The following KCNJ16 variants were observed in gnomAD, a reference collection of about 807,000 sequenced individuals.
KCNJ16 encodes potassium inwardly rectifying channel subfamily J member 16, also known as inward rectifier potassium channel 16.
A neutral mutation model predicts 18.5 loss-of-function variants in KCNJ16; 15 were observed. The observed-to-expected ratio is 0.81, with a 90% CI of 0.54 to 1.25. KCNJ16 has a LOEUF of 1.25. KCNJ16 is among the 50% of genes most tolerant of loss of function. The pLI, the probability that KCNJ16 is intolerant of heterozygous loss-of-function variation, is 0.00. For synonymous variants in KCNJ16, 174 were observed against 186.5 expected (o/e 0.93, Z 0.55); for missense variants, 523 against 525.7 (o/e 0.99, Z 0.05).
chr17:70,112,151 A>G (rs1164144254), intron 2 of KCNJ16, among the ~76,000 whole-genome samples: 3 of 152,170 alleles, frequency 2.0e-5, no homozygotes, highest in Non-Finnish European at 2.9e-5. Flanking sequence ...AGAACCAAGT[A>G]TGAGTCCTGG....
intron 2 of KCNJ16, among the ~76,000 whole-genome samples, chr17:70,109,179 G>C (rs146344764): frequency 1.4e-3 from 214 of 152,260 alleles, no homozygotes; most frequent in Middle Eastern, 3.4e-3. Flanking sequence ...AATAAAATGA[G>C]ATAAATTTCT....
intron 2 of KCNJ16, among the ~76,000 whole-genome samples, chr17:70,120,296 C>T (rs2073580150): frequency 6.6e-6 from 1 of 152,182 alleles, no homozygotes; most frequent in Admixed American, 6.6e-5. Flanking sequence ...TCCAAACTTT[C>T]CCTCATCTTT....
chr17:70,116,651 A>G (rs1466525935), intron 2 of KCNJ16, among the ~76,000 whole-genome samples: 1 of 152,170 alleles, frequency 6.6e-6, no homozygotes, highest in Non-Finnish European at 1.5e-5. Context: ...CTTTTACACA[A>G]ACAGACACTT....
intron 1 of KCNJ16, among the ~76,000 whole-genome samples, chr17:70,082,522 G>A (rs1265980042): frequency 1.3e-5 from 2 of 152,174 alleles, no homozygotes; most frequent in Non-Finnish European, 2.9e-5. Context: ...AGAGATAGGA[G>A]AAGCTAATTA....
intron 1 of KCNJ16, among the ~76,000 whole-genome samples, chr17:70,088,104 A>G (rs925695733): frequency 1.3e-5 from 2 of 151,948 alleles, no homozygotes; most frequent in Non-Finnish European, 2.9e-5. Context: ...CACCACCACA[A>G]AACTGTTTTC....
At chr17:70,112,330 T>C (rs1598149902) in intron 2 of KCNJ16, among the ~76,000 whole-genome samples, 1 of 152,150 alleles carries the variant, frequency 6.6e-6, no homozygotes, top group African/African-American at 2.4e-5. Flanking sequence ...TCACAAGTTG[T>C]TGACAATCTG....
rs1408014396 is a variant in KCNJ16 at position 70,133,853 on chromosome 17, A to C, written c.*509A>C. ...AACTGTGAAATCAGCTCACCAGTTC[A>C]AGTCACTAGGTTTGCCACTTGGACC... On this transcript the variant is annotated 3_prime_UTR_variant, in exon 4 of 4. Transcript: ENST00000392671. 5.9e-6 allele frequency: 1 copy of C among 168,210 alleles called. No individual in the cohort carries two copies. Among genetic ancestry groups the C allele is most frequent in the Non-Finnish European group, 1.5e-5 (1 of 68,906 alleles). The allele number at this position is 168,210 out of a possible 1,614,324, so 10.4% of individuals were successfully genotyped here.
chr17:70,092,559 T>TATA (rs1259295594), intron 1 of KCNJ16, among the ~76,000 whole-genome samples: 3 of 122,012 alleles, frequency 2.5e-5, no homozygotes, highest in Non-Finnish European at 3.5e-5. Context: ...TATAGATAGA[T>TATA]GATAGATATA....
chr17:70,098,929 C>T (rs1462260207), intron 1 of KCNJ16, among the ~76,000 whole-genome samples: 1 of 152,136 alleles, frequency 6.6e-6, no homozygotes, highest in Non-Finnish European at 1.5e-5. Flanking sequence ...GTGCCTGAGC[C>T]AGCTCCCACT....
intron 2 of KCNJ16, among the ~76,000 whole-genome samples, chr17:70,103,331 T>TATCACAC (rs1567789538): frequency 4.1e-5 from 1 of 24,602 alleles, no homozygotes; most frequent in East Asian, 2.5e-3. Flanking sequence ...TACACACACA[T>TATCACAC]ATATATATAT....
chr17:70,108,919 T>C (rs1415834211), intron 2 of KCNJ16, among the ~76,000 whole-genome samples: 1 of 152,068 alleles, frequency 6.6e-6, no homozygotes, highest in Non-Finnish European at 1.5e-5. Context: ...CTGAGGGCAT[T>C]TGATTCCACA....
intron 2 of KCNJ16, among the ~76,000 whole-genome samples, chr17:70,115,503 T>C (rs1463098727): frequency 1.3e-5 from 2 of 152,136 alleles, no homozygotes; most frequent in Admixed American, 6.6e-5. Context: ...ATTTTTAACA[T>C]TTTCTTTCCA....
At chr17:70,128,233 T>C (rs2073926585) in intron 2 of KCNJ16, 1 of 152,226 alleles carries the variant, frequency 6.6e-6, no homozygotes, top group Non-Finnish European at 1.5e-5. Context: ...ATAGCTTATT[T>C]GAAATGTACT....
intron 1 of KCNJ16, among the ~76,000 whole-genome samples, chr17:70,084,795 G>A (rs917528259): frequency 6.6e-6 from 1 of 152,034 alleles, no homozygotes; most frequent in East Asian, 1.9e-4. Context: ...TGACAGATAC[G>A]TTAAGAAACA....
chr17:70,083,748 A>G (rs1317319911), intron 1 of KCNJ16, among the ~76,000 whole-genome samples: 1 of 152,176 alleles, frequency 6.6e-6, no homozygotes, highest in Non-Finnish European at 1.5e-5. Context: ...ATATATCATA[A>G]AAATTTGACT....
chr17:70,093,157 C>T (rs952484295), intron 1 of KCNJ16, among the ~76,000 whole-genome samples: 6 of 152,192 alleles, frequency 3.9e-5, no homozygotes, highest in Admixed American at 1.3e-4. Context: ...ACCTTTTGGA[C>T]GCAAGTGTGG....
At chr17:70,099,698 G>C (rs1340153025) in intron 1 of KCNJ16, among the ~76,000 whole-genome samples, 2 of 151,954 alleles carry the variant, frequency 1.3e-5, no homozygotes, top group African/African-American at 4.8e-5. Flanking sequence ...ATCCTCAGAG[G>C]GTCTTTGCCT....
chr17:70,098,516 T>A lies in KCNJ16; in HGVS notation c.-299-2142T>A, dbSNP rs553452185. Among the ~76,000 whole-genome samples, 3 of 151,976 alleles carry A rather than the reference T, an allele frequency of 2.0e-5. No homozygotes were observed. In the East Asian group the frequency reaches 5.8e-4, roughly 29 times the overall value. On this transcript the variant is annotated intron_variant, in intron 1 of 3. Coordinates refer to ENST00000392671, the MANE Select transcript of KCNJ16 (RefSeq NM_170741.4). ...TCTTAACAAGACAGCAGTTGAAATC[T>A]TCTTTCTTTTCCCTTTGATTAAAAA...
Position 70,132,883 on chromosome 17 carries a change from C to T in KCNJ16, c.796C>T (p.Leu266Phe), listed in dbSNP as rs1454218411. ...TGACCATGAGAGCCCTCTGTATGCC[C>T]TTGACCGCAAAGCAGTAGCCAAAGA... Reference protein sequence around the residue: ...EIDHESPLYALDRKAVAKDNF... With the variant: ...EIDHESPLYAFDRKAVAKDNF... Residue 266 changes from leucine to phenylalanine, a missense_variant, in exon 4 of 4, where the codon CTT becomes TTT. Transcript: ENST00000392671. 6.2e-7 allele frequency: 1 copy of T among 1,614,104 alleles called. No homozygotes were observed. Among genetic ancestry groups the T allele is most frequent in the Non-Finnish European group, 8.5e-7 (1 of 1,180,018 alleles).
Sources: gnomAD v4.1 joint callset for allele counts (sites outside exome capture counted in the v4.1 genomes callset) on GRCh38, gnomAD v4.1.1 for gene constraint, MANE v1.5 for transcripts, NCBI Gene and HGNC (gene_info 2026-07-23, HGNC 2026-07-21) for gene names.